Variants in DGLUCY observed in about 807,000 individuals in gnomAD.
DGLUCY encodes the protein D-glutamate cyclase, mitochondrial.
In DGLUCY, 58 loss-of-function variants were observed where a neutral mutation model predicts 58.5. The observed-to-expected ratio is 0.99, with a 90% CI of 0.80 to 1.23. The LOEUF (loss-of-function observed/expected upper bound fraction) is 1.23. Ranked by LOEUF, DGLUCY falls within the 50% of genes most tolerant of loss-of-function variation. The pLI, the probability that DGLUCY is intolerant of heterozygous loss-of-function variation, is 0.00. For missense variants in DGLUCY, 779 were observed against 784.7 expected (o/e 0.99, Z 0.09); for synonymous variants, 325 against 314.1 (o/e 1.03, Z -0.37).
chr14:91,212,822 G>A (rs1885892040), intron 12 of DGLUCY, among the ~76,000 whole-genome samples: 1 of 152,098 alleles, frequency 6.6e-6, no homozygotes, highest in South Asian at 2.1e-4. Context: ...CTAACATGGT[G>A]AAACCCCATC....
intron 1 of DGLUCY, among the ~76,000 whole-genome samples, chr14:91,152,333 G>C (rs899364258): frequency 6.6e-6 from 1 of 152,084 alleles, no homozygotes; most frequent in African/African-American, 2.4e-5. Context: ...AGAGGTTGTG[G>C]CTGCAGTGAG....
chr14:91,062,561 ATATATATATATATATATAT>A lies in DGLUCY; in HGVS notation c.-82+1858_-82+1876del, dbSNP rs1566925442. On this transcript the variant is annotated intron_variant, in intron 1 of 4. Transcript: ENST00000521334. ...AGACTCTGTCTAAAAAAAAAAAAAT[ATATATATATATATATATAT>A]ATATATATATATATATATATATATA... Among the ~76,000 whole-genome samples, 47 of 4,972 alleles carry A rather than the reference ATATATATATATATATATAT, an allele frequency of 9.5e-3. 5 individuals are homozygous for A. The highest frequency in any genetic ancestry group is 0.017 in the African/African-American group (42 of 2,448). The allele number at this position is 4,972 out of a possible 152,430, so 3.3% of individuals were successfully genotyped here. A position where few individuals can be genotyped will look rare whatever the true frequency, so the allele number is the denominator to read the frequency against.
rs550153218 is a variant in DGLUCY, at chr14:91,070,352, C to G, written c.-82+9648C>G. ...CTTGGCACCTCCTGAGAGCCAAAACCTGAGAATCTCAGAGACATTCTCTCA... is the reference window on the plus strand; with the variant it reads ...CTTGGCACCTCCTGAGAGCCAAAACGTGAGAATCTCAGAGACATTCTCTCA... On this transcript the variant is annotated intron_variant, in intron 1 of 4. Coordinates refer to the DGLUCY transcript ENST00000521334. Among the ~76,000 whole-genome samples, 22 of 152,276 alleles carry G rather than the reference C, an allele frequency of 1.4e-4. No individual in the cohort carries two copies. In the South Asian group the frequency reaches 4.3e-3, roughly 30 times the overall value.
At chr14:91,077,324 G>A (rs2044037826) in intron 1 of DGLUCY, among the ~76,000 whole-genome samples, 6 of 147,680 alleles carry the variant, frequency 4.1e-5, no homozygotes. Flanking sequence ...GAAGGAAGGA[G>A]AGAGAGAGGC....
Position 91,168,082 on chromosome 14 carries a change from T to C in DGLUCY, c.257+704T>C, listed in dbSNP as rs544069147. Reference sequence around the variant, plus strand: ...GAGTTTGAGACCAGCCTGGGCAACATAGGGAAGACCTGGTCTCTACAAATT... The same window carrying C: ...GAGTTTGAGACCAGCCTGGGCAACACAGGGAAGACCTGGTCTCTACAAATT... On this transcript the variant is annotated intron_variant, in intron 4 of 13. Transcript: ENST00000256324. 1.6e-3 allele frequency among the ~76,000 whole-genome samples: 239 copies of C among 151,604 alleles called. 1 individual carries two copies. The highest frequency in any genetic ancestry group is 6.9e-3 in the South Asian group (33 of 4,796).
chr14:91,142,675 G>A (rs918738465), intron 1 of DGLUCY, among the ~76,000 whole-genome samples: 2 of 151,816 alleles, frequency 1.3e-5, no homozygotes, highest in African/African-American at 2.4e-5. Context: ...AAGTCTAATC[G>A]TAGCTGGCCA....
In DGLUCY at chr14:91,060,706, T is replaced by G; in HGVS notation, c.-82+2T>G. 2.9e-6 allele frequency: 1 copy of G among 339,098 alleles called. No homozygotes were observed. The highest frequency in any genetic ancestry group is 5.3e-6 in the Non-Finnish European group (1 of 190,110). 21.0% of individuals were successfully genotyped at this position (339,098 alleles called of 1,614,324 possible). On this transcript the variant is annotated splice_donor_variant, in intron 1 of 4. Transcript: ENST00000521334. LOFTEE classifies it low-confidence loss of function (5UTR_SPLICE). ...GCCGCTCCGCCCACAGCCAGCAAGG[T>G]AAGGGAGCCATTCGAGCCGCCTTCG...
At chr14:91,133,978 A>G (rs995949501) in intron 1 of DGLUCY, among the ~76,000 whole-genome samples, 1 of 152,070 alleles carries the variant, frequency 6.6e-6, no homozygotes, top group African/African-American at 2.4e-5. Flanking sequence ...TGCCCATTTA[A>G]TTGGACTATT....
chr14:91,078,442 A>G (rs767012415), intron 1 of DGLUCY, among the ~76,000 whole-genome samples: 2 of 152,122 alleles, frequency 1.3e-5, no homozygotes, highest in Non-Finnish European at 2.9e-5. Context: ...TTTAGAAGCT[A>G]CTATTTGATG....
At chr14:91,185,414 C>T (rs1483550943) in intron 8 of DGLUCY, 1 of 150,832 alleles carries the variant, frequency 6.6e-6, no homozygotes, top group Admixed American at 6.7e-5. Context: ...TCCCGAGTAC[C>T]TGGCACTACA....
chr14:91,073,723 C>T (rs141599949), intron 1 of DGLUCY, among the ~76,000 whole-genome samples: 151 of 152,158 alleles, frequency 9.9e-4, no homozygotes, highest in African/African-American at 3.5e-3. Flanking sequence ...AGTTAAGAGC[C>T]GCTCCCTTGC....
At chr14:91,198,989 A>C (rs996431853) in intron 10 of DGLUCY, among the ~76,000 whole-genome samples, 2 of 152,132 alleles carry the variant, frequency 1.3e-5, no homozygotes, top group Non-Finnish European at 2.9e-5. Context: ...TATCTAAAGA[A>C]GTTTATCTTT....
chr14:91,062,556 AAAATATATATATATATAT>A (rs1338025454), intron 1 of DGLUCY, among the ~76,000 whole-genome samples: 12 of 30,594 alleles, frequency 3.9e-4, no homozygotes, highest in African/African-American at 1.5e-3. Flanking sequence ...TAAAAAAAAA[AAAATATATATATATATAT>A]ATATATATAT....
Position 91,066,862 on chromosome 14 carries a change from C to T in DGLUCY, c.-82+6158C>T, listed in dbSNP as rs566791512. Among the ~76,000 whole-genome samples the T allele has an allele frequency of 2.6e-4, 40 of 151,232 alleles. 1 individual carries two copies. The South Asian group carries it at 7.7e-3, about 29-fold the overall frequency. On this transcript the variant is annotated intron_variant, in intron 1 of 4. Coordinates refer to the DGLUCY transcript ENST00000521334. Reference sequence around the variant, plus strand: ...CTGGGAGGCCGAGGCGGGTGGATCACGAGGTCAGGAGATCGAGACCATCCT... The same window carrying T: ...CTGGGAGGCCGAGGCGGGTGGATCATGAGGTCAGGAGATCGAGACCATCCT...
At chr14:91,182,901 ATTTTATTTTATTTTATTTTATT>A (rs1413364360) in intron 8 of DGLUCY, among the ~76,000 whole-genome samples, 1 of 148,602 alleles carries the variant, frequency 6.7e-6, no homozygotes, top group African/African-American at 2.5e-5. Flanking sequence ...CCAATTAGTT[ATTTTATTTTATTTTATTTTATT>A]TTTTATTTTA....
At chr14:91,194,631 C>T (rs1227498153) in intron 9 of DGLUCY, among the ~76,000 whole-genome samples, 3 of 151,724 alleles carry the variant, frequency 2.0e-5, no homozygotes, top group African/African-American at 7.3e-5. Context: ...ACCTCCGACT[C>T]CCGGGTTCAA....
chr14:91,128,818 C>G (rs1311308784), intron 1 of DGLUCY: 3 of 152,064 alleles, frequency 2.0e-5, no homozygotes, highest in African/African-American at 7.2e-5. Context: ...CTTGGGACCT[C>G]TGCTCACCCC....
chr14:91,103,089 CAA>C, upstream of DGLUCY, among the ~76,000 whole-genome samples: 1 of 152,104 alleles, frequency 6.6e-6, no homozygotes, highest in Admixed American at 6.6e-5. Flanking sequence ...CTTGAAAGTG[CAA>C]AGATACCCCC....
At chr14:91,163,995 G>C (rs925499053) in intron 3 of DGLUCY, among the ~76,000 whole-genome samples, 1 of 152,068 alleles carries the variant, frequency 6.6e-6, no homozygotes, top group African/African-American at 2.4e-5. Context: ...TGTCACCCAG[G>C]CTGGAGTGCA....
Sources: allele counts gnomAD v4.1 joint callset (sites outside exome capture counted in the v4.1 genomes callset), GRCh38; gene constraint gnomAD v4.1.1; transcripts MANE v1.5; gene names NCBI Gene and HGNC (gene_info 2026-07-23, HGNC 2026-07-21).